LTAP1: variants seen among roughly 807,000 people sequenced by gnomAD.
LTAP1 encodes HCV NS5A-transactivated protein 4.
At chr1:154,215,599 TCAGTTACCCAG>T in the LTAP1 span, among the ~76,000 whole-genome samples, 1 of 151,562 alleles carries the variant, frequency 6.6e-6, no homozygotes, top group Non-Finnish European at 1.5e-5. Context: ...GTAGCACCTC[TCAGTTACCCAG>T]CAGCAACTAC....
chr1:154,219,596 A>G, the LTAP1 span, among the ~76,000 whole-genome samples: 1 of 152,222 alleles, frequency 6.6e-6, no homozygotes, highest in Non-Finnish European at 1.5e-5. Flanking sequence ...ACTTCGACCC[A>G]AGCCCTTCAT....
the LTAP1 span, chr1:154,214,011 C>T: frequency 4.9e-5 from 72 of 1,463,960 alleles, 1 homozygote; most frequent in South Asian, 8.4e-4. Context: ...GGCGTGGTGG[C>T]TCATGCCTGT....
At chr1:154,214,631 A>T in the LTAP1 span, 2 of 1,093,204 alleles carry the variant, frequency 1.8e-6, no homozygotes, top group Non-Finnish European at 2.7e-6. Context: ...CTTTCCACCA[A>T]TGTGAAAATG....
At chr1:154,207,761 C>T in the LTAP1 span, 4 of 901,918 alleles carry the variant, frequency 4.4e-6, no homozygotes, top group Non-Finnish European at 6.8e-6. Context: ...TGTGTCCTAT[C>T]TGTCCTATTT....
At chr1:154,218,571 A>T in the LTAP1 span, among the ~76,000 whole-genome samples, 1 of 152,238 alleles carries the variant, frequency 6.6e-6, no homozygotes, top group Non-Finnish European at 1.5e-5. Context: ...ATGAAAGTAC[A>T]GTGCTCTAGG....
At chr1:154,209,423 GTT>G in the LTAP1 span, among the ~76,000 whole-genome samples, 428 of 101,794 alleles carry the variant, frequency 4.2e-3, 1 homozygote, top group East Asian at 0.025. Context: ...GCTCTAAGCA[GTT>G]TTTTTTTTTT....
the LTAP1 span, among the ~76,000 whole-genome samples, chr1:154,219,102 G>T: frequency 6.6e-6 from 1 of 152,194 alleles, no homozygotes; most frequent in Non-Finnish European, 1.5e-5. Context: ...CTTTTACTTA[G>T]AAGCGAAAGA....
the LTAP1 span, chr1:154,207,249 GC>G: frequency 3.6e-5 from 17 of 478,682 alleles, no homozygotes; most frequent in East Asian, 5.9e-4. Flanking sequence ...AATAGTCTTA[GC>G]CAATGTTCTA....
the LTAP1 span, chr1:154,212,699 C>T: frequency 1.6e-4 from 240 of 1,546,648 alleles, no homozygotes; most frequent in African/African-American, 2.6e-3. Flanking sequence ...CTCGCTCTGT[C>T]ACCCGGGCTG....
At chr1:154,212,587 G>A in the LTAP1 span, 3 of 1,614,212 alleles carry the variant, frequency 1.9e-6, no homozygotes, top group South Asian at 3.3e-5. Context: ...TGCCCATTAA[G>A]GAACGGGGAT....
the LTAP1 span, chr1:154,220,342 C>T: frequency 1.2e-6 from 2 of 1,614,082 alleles, no homozygotes; most frequent in African/African-American, 1.3e-5. Context: ...ATCTCCTCAC[C>T]AGGCTCCCGT....
the LTAP1 span, chr1:154,212,730 T>C: frequency 4.8e-6 from 6 of 1,247,532 alleles, no homozygotes; most frequent in East Asian, 1.0e-4. Flanking sequence ...GCAGTGATCT[T>C]GGCTCACTGC....
chr1:154,217,394 A>C, the LTAP1 span, among the ~76,000 whole-genome samples: 4 of 152,228 alleles, frequency 2.6e-5, no homozygotes, highest in Non-Finnish European at 5.9e-5. Context: ...CATCACCTGG[A>C]AATCTCCCCT....
At chr1:154,219,911 C>T in the LTAP1 span, 1 of 1,613,106 alleles carries the variant, frequency 6.2e-7, no homozygotes, top group Non-Finnish European at 8.5e-7. Context: ...TTTGCCTCTT[C>T]ACAAAAATAA....
the LTAP1 span, among the ~76,000 whole-genome samples, chr1:154,209,231 A>C: frequency 2.7e-5 from 4 of 150,576 alleles, no homozygotes; most frequent in South Asian, 2.1e-4. Flanking sequence ...TATTTCCCCC[A>C]CTCTCCAGCC....
At chr1:154,213,981 T>C in the LTAP1 span, 13 of 1,595,484 alleles carry the variant, frequency 8.1e-6, no homozygotes, top group Middle Eastern at 5.0e-4. Flanking sequence ...GGCATAACCC[T>C]AAAAATATTC....
the LTAP1 span, chr1:154,212,646 G>C: frequency 6.2e-3 from 9,980 of 1,613,238 alleles, 406 homozygotes; most frequent in African/African-American, 0.1. Context: ...ACAGCACAAT[G>C]ATATCTCTTC....
chr1:154,211,281 G>A, the LTAP1 span, among the ~76,000 whole-genome samples: 1 of 149,632 alleles, frequency 6.7e-6, no homozygotes, highest in East Asian at 2.0e-4. Flanking sequence ...GGGATTATAG[G>A]CGTGAGCCAC....
At chr1:154,220,300 G>T in the LTAP1 span, 1 of 1,609,420 alleles carries the variant, frequency 6.2e-7, no homozygotes, top group Non-Finnish European at 8.5e-7. Flanking sequence ...TCTCTACTGG[G>T]TAAGATGCGA....
Sources: gnomAD v4.1 joint callset for allele counts (sites outside exome capture counted in the v4.1 genomes callset) on GRCh38, gnomAD v4.1.1 for gene constraint, MANE v1.5 for transcripts, NCBI Gene and HGNC (gene_info 2026-07-23, HGNC 2026-07-21) for gene names.